Variants in B3GALT1 observed in about 807,000 individuals in gnomAD.
The protein encoded by B3GALT1 is UDP-Gal:betaGlcNAc beta 1,3-galactosyltransferase, polypeptide 1.
B3GALT1 carries 10 observed loss-of-function variants against 23.2 expected under a neutral mutation model. The observed-to-expected ratio is 0.43, with a 90% CI of 0.27 to 0.73. B3GALT1 has a LOEUF of 0.73. Ranked by LOEUF, B3GALT1 falls within the 30% of genes least tolerant of loss-of-function variation. The pLI is 0.21. For synonymous variants in B3GALT1, 156 were observed against 141.5 expected (o/e 1.10, Z -0.73); for missense variants, 299 against 405.4 (o/e 0.74, Z 2.25).
intron 2 of B3GALT1, among the ~76,000 whole-genome samples, chr2:167,495,137 G>A (rs1295881946): frequency 6.6e-6 from 1 of 152,116 alleles, no homozygotes; most frequent in African/African-American, 2.4e-5. Context: ...AGGATTATTT[G>A]GGAGGGCCTT....
chr2:167,457,852 C>T (rs944665672), intron 1 of B3GALT1, among the ~76,000 whole-genome samples: 7 of 152,156 alleles, frequency 4.6e-5, no homozygotes, highest in East Asian at 1.9e-4. Context: ...CTAGACCGAC[C>T]GAATTAGAAA....
rs749849142 is a variant in B3GALT1 at position 167,870,056 on chromosome 2, T to A, written c.*36T>A. ...AATGTAAATATGTTTCTTTTCTTTT[T>A]TTAAGAAATGGGACCTAAGGTGTTG... is the stretch of plus-strand genomic sequence containing the variant. On this transcript the variant is annotated 3_prime_UTR_variant, in exon 5 of 5. Coordinates refer to ENST00000392690, the MANE Select transcript of B3GALT1 (RefSeq NM_020981.4). The A allele has an allele frequency of 3.1e-5, 47 of 1,535,346 alleles. No individual in the cohort carries two copies. The highest frequency in any genetic ancestry group is 3.9e-5 in the Non-Finnish European group (44 of 1,138,634).
At chr2:167,398,448 A>G (rs1698133370) in intron 1 of B3GALT1, among the ~76,000 whole-genome samples, 1 of 151,996 alleles carries the variant, frequency 6.6e-6, no homozygotes, top group East Asian at 1.9e-4. Flanking sequence ...TCTATTCTCC[A>G]ACATTTTTAA....
chr2:167,822,056 T>G (rs1467895304), intron 4 of B3GALT1, among the ~76,000 whole-genome samples: 1 of 152,170 alleles, frequency 6.6e-6, no homozygotes, highest in Non-Finnish European at 1.5e-5. Context: ...TCAGAGAAGT[T>G]ATGATCACCC....
chr2:167,849,590 T>A (rs1038194120), intron 4 of B3GALT1, among the ~76,000 whole-genome samples: 2 of 152,082 alleles, frequency 1.3e-5, no homozygotes, highest in African/African-American at 4.8e-5. Context: ...TCAAGATGGA[T>A]TAAGGACTTA....
chr2:167,585,802 G>A (rs1241692865), intron 2 of B3GALT1, among the ~76,000 whole-genome samples: 4 of 151,872 alleles, frequency 2.6e-5, no homozygotes, highest in Non-Finnish European at 4.4e-5. Context: ...GATAATTTTC[G>A]GAATAATACC....
chr2:167,517,584 T>C (rs998509953), intron 2 of B3GALT1, among the ~76,000 whole-genome samples: 2 of 152,040 alleles, frequency 1.3e-5, no homozygotes, highest in Non-Finnish European at 2.9e-5. Context: ...TTACCATTAG[T>C]GTGAGAAGAG....
intron 1 of B3GALT1, among the ~76,000 whole-genome samples, chr2:167,416,957 A>G (rs1008809863): frequency 7.2e-5 from 11 of 152,194 alleles, no homozygotes; most frequent in African/African-American, 2.7e-4. Context: ...TTGAAAGTAG[A>G]TAACTTGTTT....
At chr2:167,532,802 A>G (rs868586757) in intron 2 of B3GALT1, among the ~76,000 whole-genome samples, 27 of 143,540 alleles carry the variant, frequency 1.9e-4, no homozygotes, top group Admixed American at 1.0e-3. Context: ...TTCTTAGAGT[A>G]TTTTATATAG....
chr2:167,722,384 C>T (rs890310803), intron 3 of B3GALT1, among the ~76,000 whole-genome samples: 5 of 152,180 alleles, frequency 3.3e-5, no homozygotes, highest in Admixed American at 6.5e-5. Context: ...GCTGCAATTA[C>T]CCCAAGAGAA....
rs111816672 is a variant in B3GALT1, at chr2:167,385,755, C to G, written c.-511+92421C>G. ...CCTTTTTTTTCACCAAAATTGCTGA[C>G]TTGGTGGACACCACTAGCACAGGTT... On this transcript the variant is annotated intron_variant, in intron 1 of 4. Coordinates refer to ENST00000392690, the MANE Select transcript of B3GALT1 (RefSeq NM_020981.4). 4.5e-3 allele frequency among the ~76,000 whole-genome samples: 692 copies of G among 152,212 alleles called. 9 individuals are homozygous for G. The highest frequency in any genetic ancestry group is 0.016 in the African/African-American group (666 of 41,542).
chr2:167,537,584 C>G (rs1683450883), intron 2 of B3GALT1, among the ~76,000 whole-genome samples: 1 of 152,072 alleles, frequency 6.6e-6, no homozygotes, highest in Non-Finnish European at 1.5e-5. Context: ...TGAAGCCAAA[C>G]ATAAGAGTCA....
chr2:167,551,327 T>C (rs1529308), intron 2 of B3GALT1, among the ~76,000 whole-genome samples: 152,288 of 152,308 alleles, frequency 1, 76,134 homozygotes, highest in Middle Eastern at 1. Flanking sequence ...ATTGAGCTGG[T>C]GGAAGATGAG....
chr2:167,791,395 A>G (rs1240875014), intron 3 of B3GALT1, among the ~76,000 whole-genome samples: 1 of 152,220 alleles, frequency 6.6e-6, no homozygotes, highest in Admixed American at 6.5e-5. Flanking sequence ...TTAGACTCCA[A>G]AATGGCTACC....
intron 2 of B3GALT1, among the ~76,000 whole-genome samples, chr2:167,497,150 A>G (rs1321226406): frequency 6.6e-6 from 1 of 152,238 alleles, no homozygotes; most frequent in African/African-American, 2.4e-5. Context: ...AAAAAGAGCA[A>G]TATCTAATAA....
chr2:167,687,464 G>A (rs1439629850), intron 3 of B3GALT1, among the ~76,000 whole-genome samples: 1 of 152,010 alleles, frequency 6.6e-6, no homozygotes, highest in African/African-American at 2.4e-5. Context: ...AAAGGTTTTT[G>A]TTGCTACTTT....
intron 1 of B3GALT1, among the ~76,000 whole-genome samples, chr2:167,436,617 G>A (rs1052501952): frequency 6.6e-6 from 1 of 152,040 alleles, no homozygotes; most frequent in African/African-American, 2.4e-5. Flanking sequence ...CTAGATCCTA[G>A]AACAGTACAT....
chr2:167,825,356 T>A (rs759768236), intron 4 of B3GALT1, among the ~76,000 whole-genome samples: 29 of 148,334 alleles, frequency 2.0e-4, no homozygotes, highest in Non-Finnish European at 3.4e-4. Context: ...CCTAGGACCT[T>A]GGCTTGAGGA....
intron 1 of B3GALT1, among the ~76,000 whole-genome samples, chr2:167,373,189 C>G (rs1697711537): frequency 6.6e-6 from 1 of 151,866 alleles, no homozygotes; most frequent in Non-Finnish European, 1.5e-5. Flanking sequence ...AAGAATCCCA[C>G]CTTTGTACTG....
Sources: allele counts gnomAD v4.1 joint callset (sites outside exome capture counted in the v4.1 genomes callset), GRCh38; gene constraint gnomAD v4.1.1; transcripts MANE v1.5; gene names NCBI Gene and HGNC (gene_info 2026-07-23, HGNC 2026-07-21).